SH3D19: variants seen among roughly 807,000 people sequenced by gnomAD.
The protein encoded by SH3D19 is SH3 domain containing 19.
Under a neutral mutation model 112.1 loss-of-function variants are expected in SH3D19, and 58 were observed. The observed-to-expected ratio is 0.52, with a 90% CI of 0.42 to 0.64. SH3D19 has a LOEUF of 0.64. SH3D19 is among the 30% of genes least tolerant of loss of function. The probability of loss-of-function intolerance (pLI) is 0.00; values close to 1 mark genes in which losing one functional copy is unlikely to be tolerated. For missense variants in SH3D19, 1,090 were observed against 1,263.4 expected, an observed-to-expected ratio of 0.86 and a Z score of 2.08; for synonymous variants, 391 against 448.5, an observed-to-expected ratio of 0.87 and a Z score of 1.62.
chr4:151,137,106 T>C (rs1432025794), intron 14 of SH3D19, among the ~76,000 whole-genome samples: 1 of 152,226 alleles, frequency 6.6e-6, no homozygotes, highest in Non-Finnish European at 1.5e-5. Flanking sequence ...CATCTGGGCT[T>C]ACACACAGCT....
intron 2 of SH3D19, among the ~76,000 whole-genome samples, chr4:151,188,226 T>C (rs1228319077): frequency 6.6e-6 from 1 of 152,190 alleles, no homozygotes; most frequent in Non-Finnish European, 1.5e-5. Flanking sequence ...TATTGTGTTA[T>C]ACAGAGGGAA....
At position 151,179,387 on chromosome 4, in the gene SH3D19, A is replaced by T. The variant is rs1012700730; in HGVS notation, c.204T>A (p.Thr68=). ...IRAVIKRSSR[T]SIQSELHRDR... is the part of the protein sequence containing the mutation. ...CTCGATGAAGTTCACTCTGAATAGA[A>T]GTCCGAGAAGCTGTTGAAGAAGGAA... Residue 68 remains threonine, a synonymous_variant, in exon 4 of 20, where the codon ACT becomes ACA. Transcript: ENST00000604030. 2.9e-5 allele frequency: 36 copies of T among 1,230,216 alleles called. No homozygotes were observed. Among genetic ancestry groups the T allele is most frequent in the Non-Finnish European group, 3.6e-5 (36 of 986,500 alleles). 76.2% of individuals were successfully genotyped at this position (1,230,216 alleles called of 1,614,324 possible). A position where few individuals can be genotyped will look rare whatever the true frequency, so the allele number is the denominator to read the frequency against.
At chr4:151,140,079 T>G in intron 12 of SH3D19, 1 of 454,530 alleles carries the variant, frequency 2.2e-6, no homozygotes, top group South Asian at 3.6e-5. Flanking sequence ...TCCCCCAGTA[T>G]GTTTTCTTTT....
At position 151,120,378 on chromosome 4, in the gene SH3D19, G is replaced by A. The variant is rs187381144; in HGVS notation, c.*1713C>T. Reference sequence around the variant, plus strand: ...ACAGAAGGCCAAAACTGAAGATTGAGATTTTCCTCTAATAAAGATAGGTTT... The same window carrying A: ...ACAGAAGGCCAAAACTGAAGATTGAAATTTTCCTCTAATAAAGATAGGTTT... On this transcript the variant is annotated 3_prime_UTR_variant, in exon 20 of 20. Transcript: ENST00000604030. 6.5e-6 allele frequency: 1 copy of A among 152,720 alleles called. No homozygotes were observed. The highest frequency in any genetic ancestry group is 2.4e-5 in the African/African-American group (1 of 41,556). 9.5% of individuals were successfully genotyped at this position (152,720 alleles called of 1,614,324 possible). A position where few individuals can be genotyped will look rare whatever the true frequency, so the allele number is the denominator to read the frequency against.
In SH3D19 at chr4:151,165,708, CAT is replaced by C. The variant is rs367832611; in HGVS notation, c.1535-14_1535-13del. 79 of 1,608,854 alleles carry C rather than the reference CAT, an allele frequency of 4.9e-5. No homozygotes were observed. In the African/African-American group the frequency reaches 8.9e-4, roughly 18 times the overall value. On this transcript the variant is annotated splice_polypyrimidine_tract_variant and intron_variant, in intron 7 of 19. Transcript: ENST00000604030. ...GAGCTGAAAGGGATCTAATGAAAAA[CAT>C]AGTTTATTTTGCATGTTTTAGTTAA...
intron 1 of SH3D19, among the ~76,000 whole-genome samples, chr4:151,280,851 T>TA (rs1171652431): frequency 2.0e-5 from 3 of 151,732 alleles, no homozygotes; most frequent in Admixed American, 6.6e-5. Flanking sequence ...TTCAAAATGC[T>TA]AAAAAAAATT....
intron 17 of SH3D19, among the ~76,000 whole-genome samples, chr4:151,128,572 A>G (rs1266398066): frequency 6.6e-6 from 1 of 152,184 alleles, no homozygotes; most frequent in East Asian, 1.9e-4. Flanking sequence ...CTAAATGACA[A>G]GTGTGATAGA....
intron 1 of SH3D19, chr4:151,291,522 T>C: frequency 8.4e-7 from 1 of 1,189,600 alleles, no homozygotes; most frequent in South Asian, 1.6e-5. Context: ...GTTTTTAAGG[T>C]TTTTGATTTT....
intron 1 of SH3D19, among the ~76,000 whole-genome samples, chr4:151,284,377 G>A (rs902010727): frequency 6.6e-6 from 1 of 152,044 alleles, no homozygotes; most frequent in African/African-American, 2.4e-5. Flanking sequence ...TTTTATTTCA[G>A]ACATTTTATT....
intron 1 of SH3D19, among the ~76,000 whole-genome samples, chr4:151,289,492 A>G (rs1054769595): frequency 6.6e-6 from 1 of 152,246 alleles, no homozygotes; most frequent in Non-Finnish European, 1.5e-5. Context: ...AGGGATCTGT[A>G]TCTAGAAAAA....
intron 1 of SH3D19, among the ~76,000 whole-genome samples, chr4:151,242,625 T>C (rs1356285396): frequency 6.6e-6 from 1 of 152,152 alleles, no homozygotes; most frequent in Non-Finnish European, 1.5e-5. Flanking sequence ...GAGTTTTGCT[T>C]GTAAAAAGGA....
intron 2 of SH3D19, among the ~76,000 whole-genome samples, chr4:151,196,274 A>T (rs1004932857): frequency 6.6e-6 from 1 of 152,196 alleles, no homozygotes; most frequent in African/African-American, 2.4e-5. Flanking sequence ...AAATAAAAAA[A>T]ATTAACTGGA....
At chr4:151,276,957 C>A (rs923990834) in intron 1 of SH3D19, among the ~76,000 whole-genome samples, 1 of 152,158 alleles carries the variant, frequency 6.6e-6, no homozygotes, top group African/African-American at 2.4e-5. Context: ...CAGCAGGGGG[C>A]GCCACAGACC....
chr4:151,286,181 A>ACAG (rs1460222098), intron 1 of SH3D19, among the ~76,000 whole-genome samples: 7 of 92,398 alleles, frequency 7.6e-5, no homozygotes, highest in African/African-American at 2.1e-4. Flanking sequence ...ACCCTGTCTT[A>ACAG]AAGAAAAAAA....
intron 1 of SH3D19, among the ~76,000 whole-genome samples, chr4:151,317,849 T>C (rs1225576409): frequency 1.3e-5 from 2 of 152,044 alleles, no homozygotes; most frequent in African/African-American, 4.8e-5. Context: ...CGCAGGCACC[T>C]GTAATCCCAG....
chr4:151,301,006 T>A (rs1357074057), intron 1 of SH3D19, among the ~76,000 whole-genome samples: 2 of 152,244 alleles, frequency 1.3e-5, no homozygotes, highest in Non-Finnish European at 2.9e-5. Flanking sequence ...TGTCATTCAA[T>A]GAGATATAGA....
intron 3 of SH3D19, among the ~76,000 whole-genome samples, chr4:151,180,263 T>C (rs1476968312): frequency 6.6e-6 from 1 of 152,224 alleles, no homozygotes; most frequent in Non-Finnish European, 1.5e-5. Flanking sequence ...CATATTATTG[T>C]ATATGCAGCA....
At chr4:151,282,167 T>C (rs1774300567) in intron 1 of SH3D19, 1 of 1,613,930 alleles carries the variant, frequency 6.2e-7, no homozygotes, top group Non-Finnish European at 8.5e-7. Flanking sequence ...TACTTTTTCA[T>C]ATACTGTGTG....
intron 2 of SH3D19, among the ~76,000 whole-genome samples, chr4:151,195,529 G>A (rs1287942260): frequency 6.6e-6 from 1 of 152,042 alleles, no homozygotes; most frequent in Non-Finnish European, 1.5e-5. Flanking sequence ...GTGCTCATAG[G>A]TGCTCATGGT....
Sources: allele counts gnomAD v4.1 joint callset (sites outside exome capture counted in the v4.1 genomes callset), GRCh38; gene constraint gnomAD v4.1.1; transcripts MANE v1.5; gene names NCBI Gene and HGNC (gene_info 2026-07-23, HGNC 2026-07-21).